ARHGEF3: variants seen among roughly 807,000 people sequenced by gnomAD.
ARHGEF3 encodes the protein Rho guanine nucleotide exchange factor 3.
ARHGEF3 carries 28 observed loss-of-function variants against 63.2 expected under a neutral mutation model. That is an observed-to-expected ratio of 0.44 (90% CI 0.33 to 0.61). The LOEUF is 0.61. ARHGEF3 is among the 20% of genes least tolerant of loss of function. The probability of loss-of-function intolerance (pLI) is 0.03; values close to 1 mark genes in which losing one functional copy is unlikely to be tolerated. For missense variants in ARHGEF3, 533 were observed against 659.3 expected (o/e 0.81, Z 2.10); for synonymous variants, 266 against 254.2 (o/e 1.05, Z -0.44).
chr3:56,851,811 G>T (rs2039684753), intron 4 of ARHGEF3, among the ~76,000 whole-genome samples: 1 of 151,340 alleles, frequency 6.6e-6, no homozygotes, highest in South Asian at 2.1e-4. Flanking sequence ...CATTCACAAT[G>T]TTGCCCAGGC....
At chr3:56,801,954 T>C, upstream of ARHGEF3, 1 of 1,343,962 alleles carries the variant, frequency 7.4e-7, no homozygotes, top group Non-Finnish European at 9.7e-7. Context: ...TCGACTGGGC[T>C]CCGGAGCCGA....
rs2032827539 is a variant in ARHGEF3 at position 56,727,794 on chromosome 3, CTTG to C, written c.*1473_*1475del. On this transcript the variant is annotated 3_prime_UTR_variant, in exon 10 of 10. Coordinates refer to ENST00000296315, the MANE Select transcript of ARHGEF3 (RefSeq NM_019555.3). ...ACAGGGTAAAATTGATCACAATATC[CTTG>C]TTTTCAAAAAATAATAAAGTATATA... The C allele has an allele frequency of 6.6e-6, 1 of 152,498 alleles. No homozygotes were observed. The highest frequency in any genetic ancestry group is 2.4e-5 in the African/African-American group (1 of 41,408). The allele number at this position is 152,498 out of a possible 1,614,324, so 9.4% of individuals were successfully genotyped here.
chr3:56,851,380 A>G (rs2039670306), intron 4 of ARHGEF3, among the ~76,000 whole-genome samples: 1 of 151,968 alleles, frequency 6.6e-6, no homozygotes, highest in African/African-American at 2.4e-5. Flanking sequence ...TTCCTTCAAT[A>G]CTATTGTCTT....
At chr3:56,732,166 C>T (rs756285203) in intron 9 of ARHGEF3, 72 bp downstream of exon 9, 3 of 1,565,814 alleles carry the variant, frequency 1.9e-6, no homozygotes, top group Non-Finnish European at 2.6e-6. Flanking sequence ...TCTCTTTCCA[C>T]CAGCTGCCCA....
chr3:56,991,210 G>T (rs184231034), intron 2 of ARHGEF3, among the ~76,000 whole-genome samples: 1 of 152,214 alleles, frequency 6.6e-6, no homozygotes, highest in Non-Finnish European at 1.5e-5. Context: ...CAACTTCCTA[G>T]TGGAAGGCTT....
intron 2 of ARHGEF3, chr3:57,034,990 GAC>G (rs1703891220): frequency 9.7e-7 from 1 of 1,030,936 alleles, no homozygotes. Context: ...GGCCTCTACT[GAC>G]TTATGTAGGC....
chr3:56,836,392 G>C (rs1031935349), intron 4 of ARHGEF3, among the ~76,000 whole-genome samples: 3 of 152,138 alleles, frequency 2.0e-5, no homozygotes, highest in Admixed American at 2.0e-4. Flanking sequence ...TTAAAAATTA[G>C]TTCTGAAACA....
intron 2 of ARHGEF3, among the ~76,000 whole-genome samples, chr3:56,991,181 C>T (rs1219103210): frequency 6.6e-6 from 1 of 152,136 alleles, no homozygotes; most frequent in Non-Finnish European, 1.5e-5. Context: ...CAGACTCCTC[C>T]AGCATGAAGG....
At chr3:57,035,672 C>T (rs971529328) in intron 1 of ARHGEF3, among the ~76,000 whole-genome samples, 2 of 152,342 alleles carry the variant, frequency 1.3e-5, no homozygotes, top group African/African-American at 2.4e-5. Context: ...TCCAAGCATC[C>T]CTGCAGGGAG....
intron 3 of ARHGEF3, among the ~76,000 whole-genome samples, chr3:56,889,543 GT>G (rs1003142116): frequency 1.3e-5 from 2 of 152,174 alleles, no homozygotes; most frequent in Non-Finnish European, 2.9e-5. Context: ...AAGCCTTGTG[GT>G]GTTCATTTTA....
At chr3:56,964,172 T>C (rs1458821149) in intron 2 of ARHGEF3, among the ~76,000 whole-genome samples, 2 of 151,966 alleles carry the variant, frequency 1.3e-5, no homozygotes, top group African/African-American at 2.4e-5. Context: ...GAAAATATGG[T>C]GAAACCCCGT....
chr3:56,772,175 T>C (rs6794153), intron 2 of ARHGEF3, among the ~76,000 whole-genome samples: 38,264 of 152,024 alleles, frequency 0.25, 7,050 homozygotes, highest in African/African-American at 0.53. Flanking sequence ...GACCCAAACC[T>C]ATAGCTAATT....
At chr3:56,819,025 G>A (rs972359239) in intron 4 of ARHGEF3, among the ~76,000 whole-genome samples, 1 of 152,168 alleles carries the variant, frequency 6.6e-6, no homozygotes, top group Admixed American at 6.5e-5. Flanking sequence ...TAGAGATACT[G>A]ACAGCAACAA....
intron 2 of ARHGEF3, among the ~76,000 whole-genome samples, chr3:57,024,775 C>T (rs1045129837): frequency 2.0e-5 from 3 of 152,270 alleles, no homozygotes; most frequent in Non-Finnish European, 2.9e-5. Context: ...GCGTGAGCCA[C>T]CGCGCCCGGC....
At chr3:56,922,129 C>T (rs2042159239) in intron 3 of ARHGEF3, among the ~76,000 whole-genome samples, 1 of 151,920 alleles carries the variant, frequency 6.6e-6, no homozygotes, top group East Asian at 1.9e-4. Flanking sequence ...CCGGCCTGGC[C>T]GCTGCGGTTC....
At chr3:57,024,582 G>A (rs1038087737) in intron 2 of ARHGEF3, among the ~76,000 whole-genome samples, 32 of 152,078 alleles carry the variant, frequency 2.1e-4, no homozygotes, top group Non-Finnish European at 4.0e-4. Context: ...CTGCCTCCCG[G>A]GTTCACGCCA....
At chr3:56,968,024 A>G (rs1424331823) in intron 2 of ARHGEF3, among the ~76,000 whole-genome samples, 2 of 17,050 alleles carry the variant, frequency 1.2e-4, no homozygotes, top group African/African-American at 3.4e-4. Flanking sequence ...TATAAAACAT[A>G]TATATTTAAT....
chr3:56,748,215 A>G (rs1276431153), intron 6 of ARHGEF3, among the ~76,000 whole-genome samples: 1 of 152,114 alleles, frequency 6.6e-6, no homozygotes, highest in Non-Finnish European at 1.5e-5. Flanking sequence ...TTTTTTGTAG[A>G]GACAGGGTTT....
chr3:57,035,922 C>A (rs916840815), intron 1 of ARHGEF3, among the ~76,000 whole-genome samples: 1 of 152,172 alleles, frequency 6.6e-6, no homozygotes, highest in African/African-American at 2.4e-5. Flanking sequence ...AGAGAAATTT[C>A]TTTGTTCTTT....
Sources: allele counts gnomAD v4.1 joint callset (sites outside exome capture counted in the v4.1 genomes callset), GRCh38; gene constraint gnomAD v4.1.1; transcripts MANE v1.5; gene names NCBI Gene and HGNC (gene_info 2026-07-23, HGNC 2026-07-21).